Variants in ARHGEF3 observed in about 807,000 individuals in gnomAD.
ARHGEF3 encodes the protein Rho guanine nucleotide exchange factor 3.
A neutral mutation model predicts 63.2 loss-of-function variants in ARHGEF3; 28 were observed. The observed-to-expected ratio is 0.44, with a 90% confidence interval of 0.33 to 0.61. The LOEUF is 0.61. Among genes scored for constraint, ARHGEF3 ranks in the 20% least tolerant of loss-of-function variants. The pLI, the probability that ARHGEF3 is intolerant of heterozygous loss-of-function variation, is 0.03. For missense variants in ARHGEF3, 533 were observed against 659.3 expected (o/e 0.81, Z 2.10); for synonymous variants, 266 against 254.2 (o/e 1.05, Z -0.44).
chr3:57,045,940 G>C (rs1325298452), intron 1 of ARHGEF3, among the ~76,000 whole-genome samples: 1 of 152,196 alleles, frequency 6.6e-6, no homozygotes, highest in East Asian at 1.9e-4. Context: ...TCAGCTCAAA[G>C]TCTGGTTTGT....
At chr3:57,062,781 G>A (rs1287551816) in intron 1 of ARHGEF3, among the ~76,000 whole-genome samples, 2 of 151,932 alleles carry the variant, frequency 1.3e-5, no homozygotes, top group Non-Finnish European at 1.5e-5. Context: ...GAAAAATATA[G>A]GCAAGAATTA....
rs1022347693 is a variant in ARHGEF3, at chr3:56,775,243, G to A, written c.97-1427C>T. ...CCCGTTCTGAACATAGTAGGTGCCT[G>A]GAAAAATCTTTCGTGAATTTGGAAT... On this transcript the variant is annotated intron_variant, in intron 1 of 9. Coordinates refer to ENST00000296315, the MANE Select transcript of ARHGEF3 (RefSeq NM_019555.3). 4.0e-5 allele frequency: 52 copies of A among 1,297,954 alleles called. No homozygotes were observed. The Admixed American group carries it at 4.3e-4, about 11-fold the overall frequency. The allele number at this position is 1,297,954 out of a possible 1,614,324, so 80.4% of individuals were successfully genotyped here. A position where few individuals can be genotyped will look rare whatever the true frequency, so the allele number is the denominator to read the frequency against.
chr3:57,057,452 A>C (rs1374418294), intron 1 of ARHGEF3, among the ~76,000 whole-genome samples: 9 of 152,120 alleles, frequency 5.9e-5, no homozygotes, highest in African/African-American at 1.9e-4. Context: ...ACTTATCCCA[A>C]CTATAATTTT....
At chr3:56,754,035 A>G (rs2034922980) in intron 3 of ARHGEF3, among the ~76,000 whole-genome samples, 2 of 152,186 alleles carry the variant, frequency 1.3e-5, no homozygotes, top group Admixed American at 1.3e-4. Context: ...TTTTATTTGT[A>G]TTATCCACTG....
At position 56,831,953 on chromosome 3, in the gene ARHGEF3, G is replaced by A. The variant is rs367646990; in HGVS notation, c.192+50339C>T. Among the ~76,000 whole-genome samples, 307 of 152,352 alleles carry A rather than the reference G, an allele frequency of 2.0e-3. 2 individuals carry two copies. The highest frequency in any genetic ancestry group is 0.014 in the South Asian group (68 of 4,826). On this transcript the variant is annotated intron_variant, in intron 4 of 12. Coordinates refer to the ARHGEF3 transcript ENST00000338458. Reference sequence around the variant, plus strand: ...TCAAGGAAGAGTCAGAAGGGCAAAGGTATGATCGTGAGTTACCGTGGACTT... The same window carrying A: ...TCAAGGAAGAGTCAGAAGGGCAAAGATATGATCGTGAGTTACCGTGGACTT...
intron 2 of ARHGEF3, among the ~76,000 whole-genome samples, chr3:57,024,783 G>A (rs1011498004): frequency 8.5e-5 from 13 of 152,328 alleles, no homozygotes; most frequent in East Asian, 5.8e-4. Context: ...CACCGCGCCC[G>A]GCCAAGAGCA....
chr3:57,033,545 GA>G (rs1187505205), intron 2 of ARHGEF3, among the ~76,000 whole-genome samples: 1 of 151,532 alleles, frequency 6.6e-6, no homozygotes, highest in Non-Finnish European at 1.5e-5. Context: ...AAAACAGAAA[GA>G]AAAAAAGGAA....
intron 1 of ARHGEF3, among the ~76,000 whole-genome samples, chr3:57,066,283 T>C (rs576120693): frequency 6.6e-5 from 10 of 151,832 alleles, no homozygotes; most frequent in South Asian, 2.1e-4. Context: ...TTTTTTTTTT[T>C]CTGAAACAGA....
intron 3 of ARHGEF3, among the ~76,000 whole-genome samples, chr3:56,907,439 G>A (rs1035094874): frequency 1.3e-5 from 2 of 152,102 alleles, no homozygotes; most frequent in African/African-American, 4.8e-5. Flanking sequence ...AAATCAGTGT[G>A]GCCATTCCTG....
chr3:57,018,673 G>A (rs569575519), intron 2 of ARHGEF3, among the ~76,000 whole-genome samples: 31 of 152,244 alleles, frequency 2.0e-4, no homozygotes, highest in African/African-American at 6.5e-4. Flanking sequence ...GATGCTTTAC[G>A]TTTATGTCGT....
chr3:57,071,038 C>T (rs9876094), intron 1 of ARHGEF3, among the ~76,000 whole-genome samples: 42,044 of 150,858 alleles, frequency 0.28, 6,830 homozygotes, highest in East Asian at 0.48. Context: ...AGGATTCATA[C>T]TTCCTGATTT....
At chr3:56,746,758 A>T (rs549004561) in intron 6 of ARHGEF3, among the ~76,000 whole-genome samples, 1 of 152,228 alleles carries the variant, frequency 6.6e-6, no homozygotes, top group East Asian at 1.9e-4. Flanking sequence ...ATACATAAAA[A>T]TAAATAAAGT....
chr3:56,960,434 T>C (rs1214943272), intron 2 of ARHGEF3: 1 of 152,202 alleles, frequency 6.6e-6, no homozygotes, highest in Non-Finnish European at 1.5e-5. Context: ...TCTTGAGCTT[T>C]GGTTTTCTTA....
chr3:56,749,193 C>A (rs1481287121), intron 6 of ARHGEF3, among the ~76,000 whole-genome samples: 1 of 152,192 alleles, frequency 6.6e-6, no homozygotes, highest in Non-Finnish European at 1.5e-5. Flanking sequence ...TTTTAGGCTG[C>A]TCTTCAAGAT....
At chr3:56,736,358 ACCATT>A (rs1474393170) in intron 8 of ARHGEF3, among the ~76,000 whole-genome samples, 1 of 152,162 alleles carries the variant, frequency 6.6e-6, no homozygotes, top group Non-Finnish European at 1.5e-5. Flanking sequence ...CAGAAGAGGA[ACCATT>A]TCAGTATCTA....
chr3:56,938,103 C>T (rs1698988381), intron 3 of ARHGEF3, among the ~76,000 whole-genome samples: 1 of 152,156 alleles, frequency 6.6e-6, no homozygotes. Context: ...GCTGCTGCTA[C>T]AGCATCTAAT....
intron 4 of ARHGEF3, among the ~76,000 whole-genome samples, chr3:56,880,901 G>A (rs1560017269): frequency 6.6e-6 from 1 of 152,192 alleles, no homozygotes; most frequent in Non-Finnish European, 1.5e-5. Context: ...CCATCAATCT[G>A]AGGGTCTAAA....
chr3:56,964,027 A>C (rs970060119), intron 2 of ARHGEF3, among the ~76,000 whole-genome samples: 6 of 151,954 alleles, frequency 3.9e-5, no homozygotes, highest in Non-Finnish European at 8.8e-5. Flanking sequence ...TGCAACTCCA[A>C]CTCTTTATTT....
intron 2 of ARHGEF3, among the ~76,000 whole-genome samples, chr3:56,972,059 A>G (rs898058585): frequency 3.3e-5 from 5 of 152,098 alleles, no homozygotes; most frequent in East Asian, 1.9e-4. Context: ...TTTCAAGTCC[A>G]TGGATGGGCC....
Sources: allele counts gnomAD v4.1 joint callset (sites outside exome capture counted in the v4.1 genomes callset), GRCh38; gene constraint gnomAD v4.1.1; transcripts MANE v1.5; gene names NCBI Gene and HGNC (gene_info 2026-07-23, HGNC 2026-07-21).